Variants in ZNF44 observed in about 807,000 individuals in gnomAD.
ZNF44 encodes the protein zinc finger protein 44.
In ZNF44, 9 loss-of-function variants were observed where a neutral mutation model predicts 11.7. The observed-to-expected ratio is 0.77, with a 90% confidence interval of 0.46 to 1.35. ZNF44 has a LOEUF of 1.35. Ranked by LOEUF, ZNF44 falls within the 40% of genes most tolerant of loss-of-function variation. The probability of loss-of-function intolerance (pLI) is 0.00; values close to 1 mark genes in which losing one functional copy is unlikely to be tolerated. For synonymous variants in ZNF44, 224 were observed against 242.7 expected, an observed-to-expected ratio of 0.92 and a Z score of 0.72; for missense variants, 696 against 743.1, an observed-to-expected ratio of 0.94 and a Z score of 0.74.
chr19:12,273,712 A>G lies in ZNF44; in HGVS notation c.543T>C (p.Pro181=), dbSNP rs375370199. 5 of 1,614,028 alleles carry G rather than the reference A, an allele frequency of 3.1e-6. No individual in the cohort carries two copies. In the African/African-American group the frequency reaches 6.7e-5, roughly 22 times the overall value. The change falls in exon 4 of 4, where the codon CCT becomes CCC. Residue 181 remains proline (P), a synonymous_variant. Coordinates refer to ENST00000355684, the MANE Select transcript of ZNF44 (RefSeq NM_016264.4). ...CTACCATATGTCTTCGAAGGTTTCC[A>G]GGAGAACTGAAGGTTTTTCCACATT... The part of the protein sequence containing the change: ...CKECGKTFSS[P]GNLRRHMVVK...
intron 5 of ZNF44, among the ~76,000 whole-genome samples, chr19:12,259,156 T>C (rs796893841): frequency 6.6e-6 from 1 of 152,192 alleles, no homozygotes; most frequent in Non-Finnish European, 1.5e-5. Flanking sequence ...ATTACAGGCA[T>C]GAGCCACCGC....
At chr19:12,256,037 CAAAAAAA>C (rs74180061) in intron 5 of ZNF44, among the ~76,000 whole-genome samples, 2 of 39,678 alleles carry the variant, frequency 5.0e-5, no homozygotes, top group South Asian at 2.9e-3. Flanking sequence ...AACTCTGTCT[CAAAAAAA>C]AAAAAAAAAA....
intron 1 of ZNF44, among the ~76,000 whole-genome samples, chr19:12,293,873 T>C (rs760044012): frequency 1.5e-4 from 23 of 151,740 alleles, no homozygotes; most frequent in Non-Finnish European, 3.1e-4. Flanking sequence ...GTCTGGTTTG[T>C]GCCTAGTGAC....
chr19:12,291,257 A>C (rs1967995603), intron 1 of ZNF44: 1 of 455,700 alleles, frequency 2.2e-6, no homozygotes, highest in Non-Finnish European at 4.4e-6. Context: ...CAGCCTAAAA[A>C]GAAGAGAAAC....
chr19:12,285,609 G>C (rs1265504553), intron 1 of ZNF44, among the ~76,000 whole-genome samples: 1 of 152,166 alleles, frequency 6.6e-6, no homozygotes, highest in Admixed American at 6.6e-5. Flanking sequence ...ACTGAAGTTT[G>C]TCTATAATCT....
chr19:12,238,758 TGCACTCC>T (rs1916498432), upstream of ZNF44, among the ~76,000 whole-genome samples: 1 of 152,128 alleles, frequency 6.6e-6, no homozygotes, highest in African/African-American at 2.4e-5. Flanking sequence ...ATCGTGCCAC[TGCACTCC>T]AGCCTGGGCA....
downstream of ZNF44, among the ~76,000 whole-genome samples, chr19:12,245,538 A>G (rs1169837356): frequency 6.6e-6 from 1 of 152,194 alleles, no homozygotes; most frequent in Non-Finnish European, 1.5e-5. Flanking sequence ...ACAATGCAAC[A>G]GAGGAACAAG....
At chr19:12,233,994 G>A (rs566516645) in intron 2 of ZNF44, among the ~76,000 whole-genome samples, 30 of 151,846 alleles carry the variant, frequency 2.0e-4, no homozygotes, top group African/African-American at 6.8e-4. Flanking sequence ...CCCAAGAGGC[G>A]GAGGTTGCAG....
intron 5 of ZNF44, chr19:12,250,897 T>C (rs567897148): frequency 2.3e-6 from 1 of 439,074 alleles, no homozygotes; most frequent in East Asian, 7.0e-5. Flanking sequence ...ATATTCGAGG[T>C]AGTCAGATCC....
At chr19:12,233,550 C>CCAA (rs777267600) in intron 2 of ZNF44, among the ~76,000 whole-genome samples, 7 of 80,868 alleles carry the variant, frequency 8.7e-5, no homozygotes, top group African/African-American at 2.5e-4. Flanking sequence ...ACCCATACAT[C>CCAA]AAAAAAAAAA....
At chr19:12,256,912 T>G (rs890305044) in intron 5 of ZNF44, among the ~76,000 whole-genome samples, 2 of 152,064 alleles carry the variant, frequency 1.3e-5, no homozygotes, top group Admixed American at 6.6e-5. Flanking sequence ...TTTGCCATGT[T>G]GGCCAGGCTG....
downstream of ZNF44, among the ~76,000 whole-genome samples, chr19:12,244,095 C>T (rs907184950): frequency 2.6e-5 from 4 of 152,022 alleles, no homozygotes; most frequent in African/African-American, 9.7e-5. Context: ...AGGTTGGTGT[C>T]GAACTCCTGG....
downstream of ZNF44, chr19:12,271,718 G>GTAGA (rs1489615458): frequency 6.6e-6 from 1 of 152,186 alleles, no homozygotes; most frequent in South Asian, 2.1e-4. Flanking sequence ...TATATACGAT[G>GTAGA]TAGATAGGCC....
chr19:12,261,022 GA>G (rs1917487109), intron 5 of ZNF44, among the ~76,000 whole-genome samples: 1 of 152,180 alleles, frequency 6.6e-6, no homozygotes. Context: ...GAGAGGGTAT[GA>G]AAAGGCTTAT....
rs1414839151 is a variant in ZNF44 at position 12,231,206 on chromosome 19, ATGT to A, written n.381-694_381-692del. Among the ~76,000 whole-genome samples the A allele has an allele frequency of 1.2e-4, 19 of 152,208 alleles. No individual in the cohort carries two copies. In the East Asian group the frequency reaches 3.7e-3, roughly 29 times the overall value. ...CCTCCACCTACCCATTACTGAGGTT[ATGT>A]CCTGTGTGGGTATGTTTGAAAAGTG... On this transcript the variant is annotated intron_variant and non_coding_transcript_variant, in intron 2 of 3. Transcript: ENST00000597563.
chr19:12,278,176 A>C lies in ZNF44; in HGVS notation c.4-2094T>G, dbSNP rs369912458. 1.5e-3 allele frequency among the ~76,000 whole-genome samples: 235 copies of C among 152,360 alleles called. No homozygotes were observed. In the South Asian group the frequency reaches 0.016, roughly 10 times the overall value. On this transcript the variant is annotated intron_variant, in intron 1 of 3. Transcript: ENST00000355684. ...CCCACCCAGGGTGGAAAACTGCTTA[A>C]GGCGTTCCTGAACCACAAACAATAG...
chr19:12,250,278 C>A (rs1252566187), exon 6 of ZNF44: 1 of 1,366,022 alleles, frequency 7.3e-7, no homozygotes, highest in East Asian at 4.5e-5. Flanking sequence ...TCCCACATCA[C>A]GTCTCTGTAG....
At chr19:12,226,287 A>G (rs1018106920) in exon 4 of ZNF44, 3 of 152,176 alleles carry the variant, frequency 2.0e-5, no homozygotes, top group Non-Finnish European at 4.4e-5. Context: ...CTGAATACCT[A>G]TGAGTTGGGA....
intron 5 of ZNF44, among the ~76,000 whole-genome samples, chr19:12,252,508 T>C (rs948021013): frequency 6.6e-6 from 1 of 152,216 alleles, no homozygotes; most frequent in Non-Finnish European, 1.5e-5. Context: ...TTTCTCATCC[T>C]TGATTAATGT....
Sources: gnomAD v4.1 joint callset for allele counts (sites outside exome capture counted in the v4.1 genomes callset) on GRCh38, gnomAD v4.1.1 for gene constraint, MANE v1.5 for transcripts, NCBI Gene and HGNC (gene_info 2026-07-23, HGNC 2026-07-21) for gene names.